Variants in SLC44A5 observed in about 807,000 individuals in gnomAD.
SLC44A5 encodes choline transporter-like protein 5.
In SLC44A5, 57 loss-of-function variants were observed where a neutral mutation model predicts 101.8. That is an observed-to-expected ratio of 0.56 (90% CI 0.45 to 0.70). The LOEUF (loss-of-function observed/expected upper bound fraction) is 0.70. Among genes scored for constraint, SLC44A5 ranks in the 30% least tolerant of loss-of-function variants. The pLI is 0.00. For missense variants in SLC44A5, 737 were observed against 853.1 expected (o/e 0.86, Z 1.70); for synonymous variants, 281 against 290.9 (o/e 0.97, Z 0.35).
At chr1:75,498,762 A>G (rs528742651) in intron 2 of SLC44A5, among the ~76,000 whole-genome samples, 1 of 152,284 alleles carries the variant, frequency 6.6e-6, no homozygotes, top group South Asian at 2.1e-4. Context: ...AGTTGCAAAT[A>G]TGGATTATTT....
chr1:75,540,008 A>T (rs1255932067), intron 2 of SLC44A5, among the ~76,000 whole-genome samples: 2 of 152,212 alleles, frequency 1.3e-5, no homozygotes, highest in Admixed American at 1.3e-4. Flanking sequence ...CCCTTACGGT[A>T]TTGTTAGACA....
At chr1:75,606,829 C>T (rs1675352151) in intron 1 of SLC44A5, among the ~76,000 whole-genome samples, 1 of 151,972 alleles carries the variant, frequency 6.6e-6, no homozygotes, top group Non-Finnish European at 1.5e-5. Context: ...ACACTTTCTT[C>T]CTTGGTTCCA....
chr1:75,587,826 C>G (rs1184048524), intron 1 of SLC44A5, among the ~76,000 whole-genome samples: 3 of 152,124 alleles, frequency 2.0e-5, no homozygotes, highest in Admixed American at 2.0e-4. Context: ...TTCCAAAGAC[C>G]CTGCTCCTGG....
chr1:75,337,966 G>A (rs992593401), intron 4 of SLC44A5, among the ~76,000 whole-genome samples: 14 of 152,180 alleles, frequency 9.2e-5, no homozygotes, highest in African/African-American at 3.4e-4. Context: ...AAGGCAATGT[G>A]GAGAATTGGG....
At chr1:75,396,432 G>A (rs749967353) in intron 3 of SLC44A5, 151 bp downstream of exon 3, 25 of 669,972 alleles carry the variant, frequency 3.7e-5, no homozygotes, top group Non-Finnish European at 5.4e-5. Flanking sequence ...ACAGACAGTT[G>A]AAAGAAGAAT....
chr1:75,307,886 G>T (rs1035155383), intron 4 of SLC44A5, among the ~76,000 whole-genome samples: 1 of 152,136 alleles, frequency 6.6e-6, no homozygotes, highest in African/African-American at 2.4e-5. Context: ...GAAGAATTTC[G>T]CTCTGTTACT....
intron 1 of SLC44A5, among the ~76,000 whole-genome samples, chr1:75,588,861 TAC>T (rs1478069926): frequency 6.6e-6 from 1 of 152,194 alleles, no homozygotes; most frequent in African/African-American, 2.4e-5. Context: ...GCATGAAATT[TAC>T]AGTCTAGTAG....
At chr1:75,383,788 G>A (rs1216454423) in intron 3 of SLC44A5, among the ~76,000 whole-genome samples, 2 of 152,048 alleles carry the variant, frequency 1.3e-5, no homozygotes, top group East Asian at 1.9e-4. Context: ...AGGAAAAAAT[G>A]TTAAGGGCAG....
chr1:75,250,307 C>T (rs2100642818), intron 7 of SLC44A5, among the ~76,000 whole-genome samples: 1 of 152,288 alleles, frequency 6.6e-6, no homozygotes, highest in East Asian at 1.9e-4. Context: ...CCAGCTCCAT[C>T]CATGTCTCTG....
At chr1:75,510,729 A>T (rs935329555) in intron 2 of SLC44A5, among the ~76,000 whole-genome samples, 5 of 152,234 alleles carry the variant, frequency 3.3e-5, no homozygotes, top group African/African-American at 1.2e-4. Flanking sequence ...AATTCAGTGC[A>T]TCTCATAAAT....
chr1:75,322,207 G>C (rs1052876947), intron 4 of SLC44A5, among the ~76,000 whole-genome samples: 2 of 152,112 alleles, frequency 1.3e-5, no homozygotes, highest in Admixed American at 1.3e-4. Context: ...AGCTACTCTG[G>C]AGGTTGAGGC....
At chr1:75,716,415 G>T in the SLC44A5 span, among the ~76,000 whole-genome samples, 4 of 152,198 alleles carry the variant, frequency 2.6e-5, no homozygotes, top group South Asian at 8.3e-4. Flanking sequence ...AGGCTGAAGT[G>T]AGCCATGATC....
At chr1:75,291,966 C>T (rs534663190) in intron 5 of SLC44A5, among the ~76,000 whole-genome samples, 2 of 148,624 alleles carry the variant, frequency 1.3e-5, no homozygotes, top group East Asian at 2.0e-4. Context: ...GAGCCGAGAT[C>T]GCGCCACTGC....
intron 2 of SLC44A5, among the ~76,000 whole-genome samples, chr1:75,447,160 G>C (rs575551361): frequency 6.6e-6 from 1 of 152,164 alleles, no homozygotes; most frequent in South Asian, 2.1e-4. Flanking sequence ...AACAGGAACA[G>C]CTGCCCTAAT....
At chr1:75,720,142 C>G in the SLC44A5 span, among the ~76,000 whole-genome samples, 1 of 152,184 alleles carries the variant, frequency 6.6e-6, no homozygotes, top group Non-Finnish European at 1.5e-5. Flanking sequence ...GTCACCCTTT[C>G]CCTGTGGTAT....
chr1:75,510,454 C>CA (rs1208121968), intron 2 of SLC44A5, among the ~76,000 whole-genome samples: 1 of 151,734 alleles, frequency 6.6e-6, no homozygotes, highest in Non-Finnish European at 1.5e-5. Flanking sequence ...GATATGGGTA[C>CA]AAAAATTGAA....
intron 3 of SLC44A5, among the ~76,000 whole-genome samples, chr1:75,383,699 C>T (rs900678259): frequency 1.1e-4 from 16 of 152,170 alleles, no homozygotes; most frequent in South Asian, 2.1e-4. Context: ...TCAGGAAATA[C>T]GGAGAACGCC....
intron 4 of SLC44A5, among the ~76,000 whole-genome samples, chr1:75,309,761 A>G (rs1313836856): frequency 6.6e-6 from 1 of 152,234 alleles, no homozygotes; most frequent in African/African-American, 2.4e-5. Context: ...ATCAATGAAA[A>G]TATTATCTGA....
intron 6 of SLC44A5, among the ~76,000 whole-genome samples, chr1:75,261,949 C>G (rs796109429): frequency 6.6e-6 from 1 of 152,094 alleles, no homozygotes; most frequent in East Asian, 1.9e-4. Flanking sequence ...AACAGCCCTT[C>G]ATGCTAAAAA....
Sources: gnomAD v4.1 joint callset for allele counts (sites outside exome capture counted in the v4.1 genomes callset) on GRCh38, gnomAD v4.1.1 for gene constraint, MANE v1.5 for transcripts, NCBI Gene and HGNC (gene_info 2026-07-23, HGNC 2026-07-21) for gene names.